HSPA2: variants seen among roughly 807,000 people sequenced by gnomAD.
HSPA2 encodes the protein heat shock-related 70 kDa protein 2.
A neutral mutation model predicts 35.0 loss-of-function variants in HSPA2; 13 were observed. That is an observed-to-expected ratio of 0.37 (90% CI 0.24 to 0.59). The LOEUF is 0.59. Among genes scored for constraint, HSPA2 ranks in the 20% least tolerant of loss-of-function variants. The probability of loss-of-function intolerance (pLI) is 0.70; values close to 1 mark genes in which losing one functional copy is unlikely to be tolerated. For synonymous variants in HSPA2, 368 were observed against 382.1 expected (o/e 0.96, Z 0.43); for missense variants, 565 against 885.4 (o/e 0.64, Z 4.59).
Position 64,542,786 on chromosome 14 carries a change from G to A in HSPA2, c.*17G>A. On this transcript the variant is annotated 3_prime_UTR_variant, in exon 1 of 1. Transcript: ENST00000247207. This position sits in a 1 kb window ranked among gnomAD's most constrained non-coding sequence, Gnocchi z 5.7. Reference sequence around the variant, plus strand: ...GTGGACTAAGCTTGCACTCAAGTCAGCGTAAACCTCTTTGCCTTTCTCTCT... The same window carrying A: ...GTGGACTAAGCTTGCACTCAAGTCAACGTAAACCTCTTTGCCTTTCTCTCT... 2 of 1,571,206 alleles carry A rather than the reference G, an allele frequency of 1.3e-6. No homozygotes were observed. Among genetic ancestry groups the A allele is most frequent in the South Asian group, 1.2e-5 (1 of 85,678 alleles).
rs572672650 is a variant in HSPA2 at position 64,543,131 on chromosome 14, C to T, written c.*362C>T. ...AGCTTAAATTGTTTATTTTTATGTA[C>T]TACTTTAAAACTAAACTGAACATTG... On this transcript the variant is annotated 3_prime_UTR_variant, in exon 1 of 1. Transcript: ENST00000247207. 2 of 291,638 alleles carry T rather than the reference C, an allele frequency of 6.9e-6. No individual in the cohort carries two copies. The highest frequency in any genetic ancestry group is 1.4e-5 in the Non-Finnish European group (2 of 147,468). 18.1% of individuals were successfully genotyped at this position (291,638 alleles called of 1,614,324 possible).
chr14:64,537,492 G>T (rs1164291307), upstream of HSPA2, among the ~76,000 whole-genome samples: 1 of 151,742 alleles, frequency 6.6e-6, no homozygotes, highest in Admixed American at 6.6e-5. Flanking sequence ...CTGGAAGGCT[G>T]AGGCACGACA....
upstream of HSPA2, among the ~76,000 whole-genome samples, chr14:64,539,853 T>C (rs1219048797): frequency 1.3e-5 from 2 of 152,134 alleles, no homozygotes; most frequent in African/African-American, 4.8e-5. Context: ...AGCTAATTTT[T>C]GTATCTTTAG....
In HSPA2 at chr14:64,542,453, A is replaced by G; in HGVS notation, c.1604A>G (p.Asn535Ser). ...CGGTACAAATCGGAAGATGAGGCGA[A>G]TCGCGACCGAGTCGCGGCCAAAAAC... ...AERYKSEDEA[N>S]RDRVAAKNAL... Residue 535 changes from asparagine (N) to serine (S), a missense_variant, in exon 1 of 1, where the codon AAT (asparagine) becomes AGT (serine). Asn to Ser is a conservative substitution (Grantham distance 46). Transcript: ENST00000247207. The surrounding 1 kb of genome is among the most constrained non-coding windows in gnomAD (Gnocchi z 5.7). 1 of 1,613,852 alleles carries G rather than the reference A, an allele frequency of 6.2e-7. No individual in the cohort carries two copies. Among genetic ancestry groups the G allele is most frequent in the South Asian group, 1.1e-5 (1 of 91,080 alleles).
upstream of HSPA2, chr14:64,535,942 C>CACAT (rs2079978545): frequency 7.8e-6 from 1 of 128,734 alleles, no homozygotes; most frequent in Admixed American, 8.1e-5. Context: ...CGCCTTCTGC[C>CACAT]GTGATTGTGA....
At chr14:64,539,280 T>TCATTC (rs2080004415), upstream of HSPA2, among the ~76,000 whole-genome samples, 1 of 151,840 alleles carries the variant, frequency 6.6e-6, no homozygotes, top group African/African-American at 2.4e-5. Flanking sequence ...CCAAAGAAAA[T>TCATTC]CATTCCATTC....
Position 64,541,936 on chromosome 14 carries a change from A to T in HSPA2, c.1087A>T (p.Asn363Tyr). 1 of 1,613,642 alleles carries T rather than the reference A, an allele frequency of 6.2e-7. No individual in the cohort carries two copies. Among genetic ancestry groups the T allele is most frequent in the Non-Finnish European group, 8.5e-7 (1 of 1,180,012 alleles). The change falls in exon 1 of 1, where the codon AAC (asparagine) becomes TAC (tyrosine). Residue 363 changes from asparagine (N) to tyrosine (Y), a missense_variant. By Grantham distance (143) the Asn-to-Tyr change is moderately radical. Transcript: ENST00000247207. ...GGATTTCTTCAACGGCAAGGAGCTG[A>T]ACAAGAGCATCAACCCCGACGAGGC... ...LQDFFNGKEL[N>Y]KSINPDEAVA...
At chr14:64,535,927 C>G (rs1378610448), upstream of HSPA2, 2 of 73,578 alleles carry the variant, frequency 2.7e-5, no homozygotes, top group African/African-American at 7.5e-5. Flanking sequence ...CCGCCATGTG[C>G]CTTTCGCCTT....
upstream of HSPA2, chr14:64,540,667 C>A: frequency 1.2e-6 from 1 of 842,246 alleles, no homozygotes; most frequent in Non-Finnish European, 1.8e-6. Flanking sequence ...TTTGTGAGGG[C>A]GGTCCCGGGA....
chr14:64,540,312 C>A, upstream of HSPA2: 1 of 180,538 alleles, frequency 5.5e-6, no homozygotes, highest in Admixed American at 5.3e-5. Context: ...AGTGGCTCTC[C>A]TCACCGGGAT....
chr14:64,542,178 G>A lies in HSPA2; in HGVS notation c.1329G>A (p.Val443=), dbSNP rs1190304333. The A allele has an allele frequency of 1.3e-5, 21 of 1,613,740 alleles. No homozygotes were observed. The highest frequency in any genetic ancestry group is 1.7e-5 in the Non-Finnish European group (20 of 1,179,940). Residue 443 remains valine (V), a synonymous_variant, in exon 1 of 1, where the codon GTG becomes GTA. Coordinates refer to ENST00000247207, the MANE Select transcript of HSPA2 (RefSeq NM_021979.4). This position sits in a 1 kb window ranked among gnomAD's most constrained non-coding sequence, Gnocchi z 5.7. ...TYSDNQSSVL[V]QVYEGERAMT... ...CGGACAACCAGAGCAGCGTACTGGTGCAGGTATACGAGGGCGAACGGGCCA... is the reference window on the plus strand; with the variant it reads ...CGGACAACCAGAGCAGCGTACTGGTACAGGTATACGAGGGCGAACGGGCCA...
Position 64,541,355 on chromosome 14 carries a change from A to G in HSPA2, c.506A>G (p.Asn169Ser), listed in dbSNP as rs377254266. The G allele has an allele frequency of 6.7e-5, 108 of 1,613,620 alleles. No homozygotes were observed. The highest frequency in any genetic ancestry group is 2.0e-4 in the East Asian group (9 of 44,894). The change falls in exon 1 of 1, where the codon AAT becomes AGT. Residue 169 changes from asparagine to serine, a missense_variant. Physicochemically the swap from Asn to Ser is conservative, Grantham distance 46. Coordinates refer to ENST00000247207, the MANE Select transcript of HSPA2 (RefSeq NM_021979.4). Reference sequence around the variant, plus strand: ...GACGCAGGCACCATCACGGGGCTCAATGTGCTGCGCATCATCAACGAGCCC... The same window carrying G: ...GACGCAGGCACCATCACGGGGCTCAGTGTGCTGCGCATCATCAACGAGCCC... ...TKDAGTITGL[N>S]VLRIINEPTA...
At position 64,541,287 on chromosome 14, in the gene HSPA2, G is replaced by A. The variant is rs1289794431; in HGVS notation, c.438G>A (p.Thr146=). ...LGGKVHSAVI[T]VPAYFNDSQR... is the part of the protein sequence containing the mutation. ...GCAAGGTGCACAGCGCGGTCATAAC[G>A]GTCCCGGCCTATTTCAACGACTCGC... is the stretch of plus-strand genomic sequence containing the variant. The change falls in exon 1 of 1, where the codon ACG becomes ACA. Residue 146 remains threonine, a synonymous_variant. Transcript: ENST00000247207. 6.2e-7 allele frequency: 1 copy of A among 1,613,262 alleles called. No homozygotes were observed. Among genetic ancestry groups the A allele is most frequent in the Non-Finnish European group, 8.5e-7 (1 of 1,179,794 alleles).
upstream of HSPA2, among the ~76,000 whole-genome samples, chr14:64,538,460 A>G (rs1243613637): frequency 5.3e-5 from 8 of 152,180 alleles, no homozygotes. Context: ...AATCTTCTGT[A>G]CAGAAATCCT....
upstream of HSPA2, among the ~76,000 whole-genome samples, chr14:64,538,048 T>C (rs1023686608): frequency 1.3e-5 from 2 of 152,100 alleles, no homozygotes; most frequent in African/African-American, 4.8e-5. Context: ...CTTTAAAACG[T>C]CCCCTTTTTC....
chr14:64,536,447 C>T (rs1352281527), upstream of HSPA2, among the ~76,000 whole-genome samples: 1 of 152,080 alleles, frequency 6.6e-6, no homozygotes, highest in Non-Finnish European at 1.5e-5. Context: ...AAATAAAAGG[C>T]ATGATCATAT....
In HSPA2 at chr14:64,541,535, C is replaced by T; in HGVS notation, c.686C>T (p.Thr229Ile). ...GAGGTGAAGTCCACGGCCGGCGACACCCACCTGGGCGGTGAGGACTTCGAC... is the reference window on the plus strand; with the variant it reads ...GAGGTGAAGTCCACGGCCGGCGACATCCACCTGGGCGGTGAGGACTTCGAC... ...IFEVKSTAGD[T>I]HLGGEDFDNR... Residue 229 changes from threonine to isoleucine, a missense_variant, in exon 1 of 1, where the codon ACC (threonine) becomes ATC (isoleucine). Thr to Ile is a moderately conservative substitution (Grantham distance 89). Around this residue, in one of 4 missense-constraint regions of HSPA2, gnomAD observed 234 missense variants for 419.0 expected, o/e 0.56. Transcript: ENST00000247207. 3 of 1,608,914 alleles carry T rather than the reference C, an allele frequency of 1.9e-6. No homozygotes were observed. Among genetic ancestry groups the T allele is most frequent in the Non-Finnish European group, 2.6e-6 (3 of 1,176,230 alleles).
At chr14:64,539,293 T>C (rs1186974395), upstream of HSPA2, among the ~76,000 whole-genome samples, 2 of 152,092 alleles carry the variant, frequency 1.3e-5, no homozygotes, top group African/African-American at 4.8e-5. Context: ...TTCCATTCCA[T>C]TGAGCGGAGT....
upstream of HSPA2, among the ~76,000 whole-genome samples, chr14:64,538,930 C>CGG (rs769809187): frequency 3.9e-5 from 6 of 152,178 alleles, no homozygotes; most frequent in Non-Finnish European, 7.3e-5. Flanking sequence ...CTCTGCCTCT[C>CGG]GAGTAGCTGG....
Sources: gnomAD v4.1 joint callset for allele counts (sites outside exome capture counted in the v4.1 genomes callset) on GRCh38, gnomAD v4.1.1 for gene constraint, gnomAD v4.1.1 regional missense constraint, Gnocchi (gnomAD v3.1) non-coding constraint, MANE v1.5 for transcripts, NCBI Gene and HGNC (gene_info 2026-07-23, HGNC 2026-07-21) for gene names.